The following GRIN2B variants were observed in gnomAD, a reference collection of about 807,000 sequenced individuals.
GRIN2B encodes the protein glutamate ionotropic receptor NMDA type subunit 2B, also known as glutamate receptor ionotropic, NMDA 2B.
A neutral mutation model predicts 114.5 loss-of-function variants in GRIN2B; 5 were observed. The observed-to-expected ratio is 0.04, with a 90% CI of 0.02 to 0.09. The LOEUF (loss-of-function observed/expected upper bound fraction) is 0.09, where lower values mean the gene tolerates loss of function less well. Ranked by LOEUF, GRIN2B falls within the 10% of genes least tolerant of loss-of-function variation. The probability of loss-of-function intolerance (pLI) is 1.00; values close to 1 mark genes in which losing one functional copy is unlikely to be tolerated. For missense variants in GRIN2B, 1,108 were observed against 1,943.5 expected, an observed-to-expected ratio of 0.57 and a Z score of 8.08; for synonymous variants, 787 against 745.1, an observed-to-expected ratio of 1.06 and a Z score of -0.92.
intron 4 of GRIN2B, among the ~76,000 whole-genome samples, chr12:13,688,493 A>G (rs1322844277): frequency 6.6e-6 from 1 of 152,186 alleles, no homozygotes; most frequent in African/African-American, 2.4e-5. Context: ...TCAATCTGTC[A>G]TATTTCACAA....
intron 4 of GRIN2B, among the ~76,000 whole-genome samples, chr12:13,746,534 T>A (rs1460852946): frequency 2.6e-5 from 4 of 152,114 alleles, no homozygotes; most frequent in Non-Finnish European, 5.9e-5. Context: ...TCCACCCCAC[T>A]CACTGTCCTC....
chr12:13,755,430 G>A (rs1191149672), intron 3 of GRIN2B, among the ~76,000 whole-genome samples: 1 of 152,124 alleles, frequency 6.6e-6, no homozygotes, highest in Non-Finnish European at 1.5e-5. Context: ...TGAAACCCTG[G>A]ATGTTTGGTC....
chr12:13,600,788 T>C (rs1949146422), intron 10 of GRIN2B, among the ~76,000 whole-genome samples: 1 of 152,088 alleles, frequency 6.6e-6, no homozygotes, highest in African/African-American at 2.4e-5. Flanking sequence ...TAGAAGGTAG[T>C]GGGGAAGTGT....
intron 3 of GRIN2B, among the ~76,000 whole-genome samples, chr12:13,823,906 C>A (rs2136695695): frequency 6.6e-6 from 1 of 152,126 alleles, no homozygotes; most frequent in East Asian, 1.9e-4. Flanking sequence ...TTGAAGTGAT[C>A]ATATATATTT....
chr12:13,949,516 C>T (rs748197296), intron 2 of GRIN2B, among the ~76,000 whole-genome samples: 3 of 152,236 alleles, frequency 2.0e-5, no homozygotes, highest in Admixed American at 6.5e-5. Flanking sequence ...CCGTGGCATT[C>T]GGCAATCAGC....
In GRIN2B at chr12:13,903,231, C is replaced by A. The variant is rs181269976; in HGVS notation, c.-18-37005G>T. 1.2e-3 allele frequency among the ~76,000 whole-genome samples: 185 copies of A among 152,128 alleles called. No individual in the cohort carries two copies. The Middle Eastern group carries it at 0.024, about 20-fold the overall frequency. On this transcript the variant is annotated intron_variant, in intron 2 of 13. Coordinates refer to ENST00000609686, the MANE Select transcript of GRIN2B (RefSeq NM_000834.5). ...TGCAATATATGTTTATCATAAATTT[C>A]TTTTATTCTTACTCTCATCTTGATC...
intron 2 of GRIN2B, among the ~76,000 whole-genome samples, chr12:13,943,555 T>A (rs1390723228): frequency 1.3e-5 from 2 of 152,176 alleles, no homozygotes; most frequent in African/African-American, 4.8e-5. Flanking sequence ...CTCTCCCACT[T>A]CTGCTCCATT....
At chr12:13,685,440 C>T (rs1356165863) in intron 4 of GRIN2B, among the ~76,000 whole-genome samples, 1 of 152,146 alleles carries the variant, frequency 6.6e-6, no homozygotes, top group South Asian at 2.1e-4. Context: ...TTTAGTTTTC[C>T]AGTAATGGTT....
rs189547445 is a variant in GRIN2B, at chr12:13,826,768, G to A, written c.411+39030C>T. ...TTATTTTTTCAGGATTTTTAATAAT[G>A]TTTATAAATTCCCACCAATTTACTA... On this transcript the variant is annotated intron_variant, in intron 3 of 13. Transcript: ENST00000609686. Among the ~76,000 whole-genome samples, 52 of 151,918 alleles carry A rather than the reference G, an allele frequency of 3.4e-4. No homozygotes were observed. In the East Asian group the frequency reaches 9.7e-3, roughly 28 times the overall value.
chr12:13,857,418 A>G (rs975531451), intron 3 of GRIN2B, among the ~76,000 whole-genome samples: 3 of 152,038 alleles, frequency 2.0e-5, no homozygotes, highest in Non-Finnish European at 4.4e-5. Flanking sequence ...CACACCAGTT[A>G]TTATGGCATC....
At chr12:13,832,304 T>G (rs911654245) in intron 3 of GRIN2B, among the ~76,000 whole-genome samples, 3 of 152,238 alleles carry the variant, frequency 2.0e-5, no homozygotes, top group Non-Finnish European at 2.9e-5. Context: ...TGTCTATATG[T>G]AATCTGCTTT....
intron 4 of GRIN2B, among the ~76,000 whole-genome samples, chr12:13,723,005 C>T (rs1862906888): frequency 6.6e-6 from 1 of 152,058 alleles, no homozygotes; most frequent in Admixed American, 6.6e-5. Flanking sequence ...TAGCTTCTTG[C>T]CCTGGGGTTT....
At chr12:13,839,944 A>T (rs1189033447) in intron 3 of GRIN2B, among the ~76,000 whole-genome samples, 1 of 152,234 alleles carries the variant, frequency 6.6e-6, no homozygotes, top group Non-Finnish European at 1.5e-5. Context: ...ATGTATATTT[A>T]TCCCATATAG....
Position 13,615,017 on chromosome 12 carries a change from T to C in GRIN2B, c.1654+97A>G. The C allele has an allele frequency of 1.7e-6, 2 of 1,149,240 alleles. No homozygotes were observed. Among genetic ancestry groups the C allele is most frequent in the Non-Finnish European group, 1.3e-6 (1 of 757,524 alleles). The allele number at this position is 1,149,240 out of a possible 1,614,324, so 71.2% of individuals were successfully genotyped here. On this transcript the variant is annotated intron_variant, in intron 8 of 13. Transcript: ENST00000609686. This position sits in a 1 kb window ranked among gnomAD's most constrained non-coding sequence, Gnocchi z 5.8. ...TGAGTTGAGCTCCTAGCAAACCACC[T>C]TCTAGCTGGAACAGCCTGGCCATGT... is the stretch of plus-strand genomic sequence containing the variant.
At chr12:13,789,792 T>C (rs1864287039) in intron 3 of GRIN2B, among the ~76,000 whole-genome samples, 2 of 152,162 alleles carry the variant, frequency 1.3e-5, no homozygotes, top group African/African-American at 4.8e-5. Flanking sequence ...TAACCACTGA[T>C]ATCAATTGAA....
intron 3 of GRIN2B, among the ~76,000 whole-genome samples, chr12:13,825,530 G>GTGTGTGTGTGTGTGTGTA (rs1302451300): frequency 5.5e-5 from 8 of 146,306 alleles, no homozygotes; most frequent in Non-Finnish European, 1.2e-4. Flanking sequence ...GTGTGTGTGT[G>GTGTGTGTGTGTGTGTGTA]TGTATGATGG....
At chr12:13,769,345 G>C (rs546936699) in intron 3 of GRIN2B, among the ~76,000 whole-genome samples, 1 of 152,126 alleles carries the variant, frequency 6.6e-6, no homozygotes, top group African/African-American at 2.4e-5. Context: ...CCCCTGTCTG[G>C]TTGTAATATT....
intron 4 of GRIN2B, among the ~76,000 whole-genome samples, chr12:13,745,093 T>C (rs1006360343): frequency 1.3e-5 from 2 of 152,118 alleles, no homozygotes; most frequent in Non-Finnish European, 2.9e-5. Flanking sequence ...TCTATTTAAA[T>C]TGTGCAAGAT....
chr12:13,724,193 T>C (rs1479424607), intron 4 of GRIN2B, among the ~76,000 whole-genome samples: 2 of 152,090 alleles, frequency 1.3e-5, no homozygotes, highest in African/African-American at 2.4e-5. Context: ...CTCTCTGTAG[T>C]CCCTACAGGC....
Sources: gnomAD v4.1 joint callset for allele counts (sites outside exome capture counted in the v4.1 genomes callset) on GRCh38, gnomAD v4.1.1 for gene constraint, Gnocchi (gnomAD v3.1) non-coding constraint, MANE v1.5 for transcripts, NCBI Gene and HGNC (gene_info 2026-07-23, HGNC 2026-07-21) for gene names.